MAP3K20: variants seen among roughly 807,000 people sequenced by gnomAD.
MAP3K20 encodes HCCS-4.
MAP3K20 carries 40 observed loss-of-function variants against 85.7 expected under a neutral mutation model. That is an observed-to-expected ratio of 0.47 (90% CI 0.36 to 0.61). The LOEUF is 0.61. MAP3K20 is among the 20% of genes least tolerant of loss of function. The pLI, the probability that MAP3K20 is intolerant of heterozygous loss-of-function variation, is 0.00. For synonymous variants in MAP3K20, 325 were observed against 327.7 expected, an observed-to-expected ratio of 0.99 and a Z score of 0.09; for missense variants, 817 against 961.7, an observed-to-expected ratio of 0.85 and a Z score of 1.99.
chr2:173,131,271 TAC>T (rs952323941), intron 2 of MAP3K20, among the ~76,000 whole-genome samples: 2 of 152,230 alleles, frequency 1.3e-5, no homozygotes, highest in African/African-American at 4.8e-5. Flanking sequence ...TTAAGTAATA[TAC>T]ACACATATAA....
chr2:173,196,275 T>C (rs1690836040), intron 7 of MAP3K20, among the ~76,000 whole-genome samples: 1 of 152,186 alleles, frequency 6.6e-6, no homozygotes. Flanking sequence ...GGAGTGGTAA[T>C]TGCAGCCAAA....
intron 16 of MAP3K20, among the ~76,000 whole-genome samples, chr2:173,255,748 T>C (rs1685143385): frequency 6.6e-6 from 1 of 152,232 alleles, no homozygotes; most frequent in Non-Finnish European, 1.5e-5. Flanking sequence ...CTTTTGACTG[T>C]GCTTTTGACT....
chr2:173,169,028 A>G (rs1419694080), intron 2 of MAP3K20, among the ~76,000 whole-genome samples: 1 of 152,226 alleles, frequency 6.6e-6, no homozygotes, highest in East Asian at 1.9e-4. Context: ...ATATGTTTAT[A>G]GTACCTTGCA....
chr2:173,187,550 G>A lies in MAP3K20; in HGVS notation c.350-8G>A. ...TTAATAGGCCTTTATTTCTTCTTGTGTGAAAAGGAATGCATTATTTACATA... is the reference window on the plus strand; with the variant it reads ...TTAATAGGCCTTTATTTCTTCTTGTATGAAAAGGAATGCATTATTTACATA... On this transcript the variant is annotated splice_polypyrimidine_tract_variant and splice_region_variant and intron_variant, in intron 4 of 19. Coordinates refer to ENST00000375213, the MANE Select transcript of MAP3K20 (RefSeq NM_016653.3). The A allele has an allele frequency of 6.3e-7, 1 of 1,592,988 alleles. No homozygotes were observed. Among genetic ancestry groups the A allele is most frequent in the Non-Finnish European group, 8.5e-7 (1 of 1,173,346 alleles).
chr2:173,120,793 C>T (rs937848316), intron 2 of MAP3K20, among the ~76,000 whole-genome samples: 2 of 148,048 alleles, frequency 1.4e-5, no homozygotes, highest in Admixed American at 6.8e-5. Context: ...CTGCAACCTC[C>T]GCTTCCCGGG....
chr2:173,120,205 T>C (rs1374444570), intron 2 of MAP3K20, among the ~76,000 whole-genome samples: 2 of 152,194 alleles, frequency 1.3e-5, no homozygotes, highest in Non-Finnish European at 2.9e-5. Context: ...ATTCTATATA[T>C]ATTTTTTTCA....
intron 2 of MAP3K20, among the ~76,000 whole-genome samples, chr2:173,127,068 A>G (rs1688466010): frequency 6.6e-6 from 1 of 152,224 alleles, no homozygotes; most frequent in African/African-American, 2.4e-5. Context: ...TGACCATTCA[A>G]TAACATTAGG....
intron 7 of MAP3K20, among the ~76,000 whole-genome samples, chr2:173,192,060 C>T (rs1291429816): frequency 1.3e-5 from 2 of 152,006 alleles, no homozygotes; most frequent in African/African-American, 4.8e-5. Flanking sequence ...CCTGTCTTTA[C>T]ATCTCATACT....
At chr2:173,159,331 G>A (rs901047708) in intron 2 of MAP3K20, among the ~76,000 whole-genome samples, 2 of 92,770 alleles carry the variant, frequency 2.2e-5, no homozygotes, top group Non-Finnish European at 5.4e-5. Context: ...AGTACGGGTT[G>A]TTTCAATGTA....
intron 10 of MAP3K20, chr2:173,210,339 T>TG (rs1396493051): frequency 6.6e-6 from 1 of 150,980 alleles, no homozygotes; most frequent in Non-Finnish European, 1.5e-5. Flanking sequence ...GCAACAAGAG[T>TG]GAAAAACTCC....
intron 1 of MAP3K20, among the ~76,000 whole-genome samples, chr2:173,084,498 A>G (rs1687094884): frequency 6.6e-6 from 1 of 152,158 alleles, no homozygotes; most frequent in African/African-American, 2.4e-5. Context: ...AGAAATTATA[A>G]TTACTTACTA....
At chr2:173,147,277 A>G (rs1163675031) in intron 2 of MAP3K20, among the ~76,000 whole-genome samples, 1 of 152,230 alleles carries the variant, frequency 6.6e-6, no homozygotes, top group Non-Finnish European at 1.5e-5. Flanking sequence ...GCCTAAGGTC[A>G]TGAAGATTTA....
intron 2 of MAP3K20, among the ~76,000 whole-genome samples, chr2:173,154,514 G>C (rs974705805): frequency 1.3e-5 from 2 of 152,116 alleles, no homozygotes; most frequent in Non-Finnish European, 2.9e-5. Context: ...AGTTGACACT[G>C]TCCATTACCT....
At chr2:173,114,513 C>A (rs1688063126) in intron 2 of MAP3K20, among the ~76,000 whole-genome samples, 1 of 152,072 alleles carries the variant, frequency 6.6e-6, no homozygotes, top group Non-Finnish European at 1.5e-5. Flanking sequence ...GTGATTTATG[C>A]TTTAAAGAGG....
intron 11 of MAP3K20, chr2:173,221,494 T>TGAG (rs755720107): frequency 6.2e-7 from 1 of 1,603,880 alleles, no homozygotes; most frequent in East Asian, 2.2e-5. Flanking sequence ...ATGATGACGG[T>TGAG]GAGGAGGAGG....
intron 18 of MAP3K20, among the ~76,000 whole-genome samples, chr2:173,263,081 G>A (rs374534828): frequency 6.6e-6 from 1 of 152,094 alleles, no homozygotes; most frequent in African/African-American, 2.4e-5. Context: ...TTGAATCCTG[G>A]AGACTCTTTA....
intron 10 of MAP3K20, chr2:173,212,735 G>C (rs1683945216): frequency 6.7e-6 from 1 of 149,476 alleles, no homozygotes; most frequent in Non-Finnish European, 1.5e-5. Context: ...GGAGGTCAAA[G>C]CTGCATTGAG....
At chr2:173,111,693 C>A (rs1165229269) in intron 2 of MAP3K20, among the ~76,000 whole-genome samples, 1 of 152,082 alleles carries the variant, frequency 6.6e-6, no homozygotes, top group Non-Finnish European at 1.5e-5. Context: ...CCTTTCCCCA[C>A]TTTATGTTTT....
chr2:173,079,521 A>C (rs1356501366), intron 1 of MAP3K20, among the ~76,000 whole-genome samples: 7 of 152,194 alleles, frequency 4.6e-5, no homozygotes, highest in Non-Finnish European at 8.8e-5. Context: ...TTGTTTTATA[A>C]ACTTTAAACT....
Sources: gnomAD v4.1 joint callset for allele counts (sites outside exome capture counted in the v4.1 genomes callset) on GRCh38, gnomAD v4.1.1 for gene constraint, MANE v1.5 for transcripts, NCBI Gene and HGNC (gene_info 2026-07-23, HGNC 2026-07-21) for gene names.